The following CXXC5 variants were observed in gnomAD, a reference collection of about 807,000 sequenced individuals.
CXXC5 encodes the protein CXXC-type zinc finger protein 5.
In CXXC5, 2 loss-of-function variants were observed where a neutral mutation model predicts 17.6. The ratio of observed to expected loss-of-function variants is 0.11; its 90% CI spans 0.05 to 0.36. The LOEUF is 0.36. Ranked by LOEUF, CXXC5 falls within the 10% of genes least tolerant of loss-of-function variation. CXXC5 has a pLI of 1.00. For missense variants in CXXC5, 343 were observed against 458.3 expected, an observed-to-expected ratio of 0.75 and a Z score of 2.30; for synonymous variants, 171 against 193.0, an observed-to-expected ratio of 0.89 and a Z score of 0.94.
At chr5:139,652,575 T>A (rs1755271772) in intron 1 of CXXC5, among the ~76,000 whole-genome samples, 1 of 152,184 alleles carries the variant, frequency 6.6e-6, no homozygotes, top group South Asian at 2.1e-4. Context: ...GACATGTGTG[T>A]CTCTAAGTAG....
intron 1 of CXXC5, among the ~76,000 whole-genome samples, chr5:139,664,456 C>G (rs1296450737): frequency 6.6e-6 from 1 of 152,192 alleles, no homozygotes; most frequent in South Asian, 2.1e-4. Flanking sequence ...AATGACCCCC[C>G]ATCCCGTGGT....
chr5:139,672,006 T>A (rs1356511189), intron 1 of CXXC5, among the ~76,000 whole-genome samples: 1 of 152,224 alleles, frequency 6.6e-6, no homozygotes, highest in Non-Finnish European at 1.5e-5. Flanking sequence ...ATAATAATTG[T>A]AGTAGAATCC....
chr5:139,650,823 C>T (rs2126732874), intron 1 of CXXC5, among the ~76,000 whole-genome samples: 1 of 152,256 alleles, frequency 6.6e-6, no homozygotes, highest in Middle Eastern at 3.4e-3. Context: ...CTCAGGCCGG[C>T]GGGCTACCTA....
intron 1 of CXXC5, among the ~76,000 whole-genome samples, chr5:139,675,754 G>A (rs1426678031): frequency 6.6e-6 from 1 of 152,182 alleles, no homozygotes; most frequent in East Asian, 1.9e-4. Context: ...TTGGCAAATA[G>A]TTTCTGTCTC....
rs946648161 is a variant in CXXC5 at position 139,683,053 on chromosome 5, T to C, written c.*146T>C. The C allele has an allele frequency of 3.1e-5, 19 of 618,604 alleles. No individual in the cohort carries two copies. Among genetic ancestry groups the C allele is most frequent in the Non-Finnish European group, 4.1e-5 (17 of 417,840 alleles). 38.3% of individuals were successfully genotyped at this position (618,604 alleles called of 1,614,324 possible). A position where few individuals can be genotyped will look rare whatever the true frequency, so the allele number is the denominator to read the frequency against. On this transcript the variant is annotated 3_prime_UTR_variant, in exon 3 of 3. Coordinates refer to ENST00000302517, the MANE Select transcript of CXXC5 (RefSeq NM_016463.9). ...CAGATTTCATTCCTGTTTTTATATA[T>C]ATATTTTTTGTTGTCGTTTTAACAT...
At chr5:139,678,500 T>A (rs1756988358) in intron 1 of CXXC5, among the ~76,000 whole-genome samples, 2 of 152,158 alleles carry the variant, frequency 1.3e-5, no homozygotes, top group African/African-American at 4.8e-5. Flanking sequence ...CCCTAGGTGG[T>A]CTGGTGCCCA....
At position 139,663,262 on chromosome 5, in the gene CXXC5, C is replaced by A. The variant is rs1755920213; in HGVS notation, c.-161+14417C>A. Reference sequence around the variant, plus strand: ...TTTCAAGGCTTTCTCTGTCTCCCACCCCCTATGCTCACACAGCAAGGCTAT... The same window carrying A: ...TTTCAAGGCTTTCTCTGTCTCCCACACCCTATGCTCACACAGCAAGGCTAT... On this transcript the variant is annotated intron_variant, in intron 1 of 2. Coordinates refer to ENST00000302517, the MANE Select transcript of CXXC5 (RefSeq NM_016463.9). The surrounding 1 kb of genome is among the most constrained non-coding windows in gnomAD (Gnocchi z 4.2). 6.6e-6 allele frequency among the ~76,000 whole-genome samples: 1 copy of A among 152,134 alleles called. No homozygotes were observed. Among genetic ancestry groups the A allele is most frequent in the Non-Finnish European group, 1.5e-5 (1 of 68,024 alleles).
chr5:139,672,821 G>A (rs1226720667), intron 1 of CXXC5, among the ~76,000 whole-genome samples: 5 of 152,142 alleles, frequency 3.3e-5, no homozygotes, highest in Non-Finnish European at 5.9e-5. Flanking sequence ...GGAGGGACAG[G>A]GTGGAGCCAC....
intron 1 of CXXC5, among the ~76,000 whole-genome samples, chr5:139,660,802 G>T (rs370481762): frequency 6.6e-6 from 1 of 151,520 alleles, no homozygotes; most frequent in Non-Finnish European, 1.5e-5. Flanking sequence ...GCTGGGGTTG[G>T]GGGGAGTACA....
chr5:139,681,422 A>G lies in CXXC5; in HGVS notation c.899A>G (p.Lys300Arg). The G allele has an allele frequency of 2.5e-6, 4 of 1,585,272 alleles. No homozygotes were observed. Among genetic ancestry groups the G allele is most frequent in the Non-Finnish European group, 2.6e-6 (3 of 1,162,066 alleles). ...AAATTCAGAAAATGTGAGGAACTCAAAAAGAAGCCTTCCGCTGCTCTGGAG... is the reference window on the plus strand; with the variant it reads ...AAATTCAGAAAATGTGAGGAACTCAGAAAGAAGCCTTCCGCTGCTCTGGAG... ...ICKFRKCEEL[K>R]KKPSAALEKV... Residue 300 changes from lysine to arginine, a missense_variant, in exon 2 of 3, where the codon AAA becomes AGA. Coordinates refer to ENST00000302517, the MANE Select transcript of CXXC5 (RefSeq NM_016463.9).
chr5:139,650,096 C>T (rs1283599247), intron 1 of CXXC5, among the ~76,000 whole-genome samples: 1 of 152,222 alleles, frequency 6.6e-6, no homozygotes, highest in Non-Finnish European at 1.5e-5. Context: ...TTTTTCCCCC[C>T]CGGGAATCTG....
At position 139,681,282 on chromosome 5, in the gene CXXC5, C is replaced by A. The variant is rs1358092061; in HGVS notation, c.759C>A (p.Ile253=). The A allele has an allele frequency of 3.7e-6, 6 of 1,612,746 alleles. No homozygotes were observed. The highest frequency in any genetic ancestry group is 5.1e-6 in the Non-Finnish European group (6 of 1,179,912). ...YPMQGELASA[I]SSGKKKRKRC... Reference sequence around the variant, plus strand: ...TGCAGGGAGAGCTGGCCTCTGCCATCAGCTCCGGCAAGAAGAAGCGGAAAC... The same window carrying A: ...TGCAGGGAGAGCTGGCCTCTGCCATAAGCTCCGGCAAGAAGAAGCGGAAAC... The change falls in exon 2 of 3, where the codon ATC becomes ATA. Residue 253 remains isoleucine, a synonymous_variant. Coordinates refer to ENST00000302517, the MANE Select transcript of CXXC5 (RefSeq NM_016463.9).
intron 1 of CXXC5, among the ~76,000 whole-genome samples, chr5:139,676,007 A>G (rs906278375): frequency 1.1e-4 from 14 of 131,614 alleles, no homozygotes; most frequent in Non-Finnish European, 1.7e-4. Flanking sequence ...GGCCCCAGGT[A>G]TGAGTCTCCC....
intron 1 of CXXC5, among the ~76,000 whole-genome samples, chr5:139,650,216 C>G (rs926287050): frequency 6.6e-6 from 1 of 152,182 alleles, no homozygotes; most frequent in Non-Finnish European, 1.5e-5. Flanking sequence ...AAGTCTCCCG[C>G]GACGGGGGTC....
intron 1 of CXXC5, among the ~76,000 whole-genome samples, chr5:139,674,920 C>T (rs1411646495): frequency 6.6e-6 from 1 of 152,224 alleles, no homozygotes; most frequent in Non-Finnish European, 1.5e-5. Context: ...ACACACCTCA[C>T]ATCTTCTTCC....
Position 139,683,079 on chromosome 5 carries a change from C to A in CXXC5, c.*172C>A. The stretch of plus-strand genomic sequence containing the variant: ...ATATTTTTTGTTGTCGTTTTAACAT[C>A]TCCACGTCCCTAGCATAAAAAGAAA... On this transcript the variant is annotated 3_prime_UTR_variant, in exon 3 of 3. Transcript: ENST00000302517. The A allele has an allele frequency of 4.2e-6, 2 of 471,566 alleles. No individual in the cohort carries two copies. Among genetic ancestry groups the A allele is most frequent in the African/African-American group, 2.0e-5 (1 of 49,910 alleles). The allele number at this position is 471,566 out of a possible 1,614,324, so 29.2% of individuals were successfully genotyped here.
At chr5:139,674,462 G>A (rs893000388) in intron 1 of CXXC5, among the ~76,000 whole-genome samples, 1 of 152,174 alleles carries the variant, frequency 6.6e-6, no homozygotes, top group Non-Finnish European at 1.5e-5. Context: ...TTGAGCCAGG[G>A]TGTGCAGCTC....
chr5:139,682,839 GT>G, intron 2 of CXXC5, 23 bp from the exon 3 acceptor site: 2 of 1,584,986 alleles, frequency 1.3e-6, no homozygotes, highest in Non-Finnish European at 1.7e-6. Context: ...CTCTCTCCTT[GT>G]TTTTGTCTCC....
At chr5:139,665,416 GC>G (rs1756056421) in intron 1 of CXXC5, among the ~76,000 whole-genome samples, 1 of 152,212 alleles carries the variant, frequency 6.6e-6, no homozygotes, top group Non-Finnish European at 1.5e-5. Flanking sequence ...CCACCTCCTT[GC>G]TGGAATGCTC....
Sources: allele counts gnomAD v4.1 joint callset (sites outside exome capture counted in the v4.1 genomes callset), GRCh38; gene constraint gnomAD v4.1.1; non-coding constraint Gnocchi (gnomAD v3.1); transcripts MANE v1.5; gene names NCBI Gene and HGNC (gene_info 2026-07-23, HGNC 2026-07-21).